Variants in GLIS3 observed in about 807,000 individuals in gnomAD.
GLIS3 encodes zinc finger protein GLIS3.
Under a neutral mutation model 78.6 loss-of-function variants are expected in GLIS3, and 53 were observed. The ratio of observed to expected loss-of-function variants is 0.67; its 90% CI spans 0.54 to 0.85. GLIS3 has a LOEUF of 0.85. GLIS3 is among the 40% of genes least tolerant of loss of function. GLIS3 has a pLI of 0.00. For synonymous variants in GLIS3, 684 were observed against 509.9 expected, an observed-to-expected ratio of 1.34 and a Z score of -4.60; for missense variants, 1,703 against 1,231.1, an observed-to-expected ratio of 1.38 and a Z score of -5.74.
chr9:4,419,433 C>T, the GLIS3 span, among the ~76,000 whole-genome samples: 4 of 152,082 alleles, frequency 2.6e-5, no homozygotes, highest in South Asian at 2.1e-4. Context: ...AAACCTACCA[C>T]GAAGGCGGAA....
intron 2 of GLIS3, among the ~76,000 whole-genome samples, chr9:4,323,191 T>A (rs926606968): frequency 1.3e-5 from 2 of 152,152 alleles, no homozygotes; most frequent in African/African-American, 4.8e-5. Context: ...CATTGCTTGT[T>A]TTTCTCAGGT....
intron 2 of GLIS3, among the ~76,000 whole-genome samples, chr9:4,262,082 A>T (rs1825584254): frequency 6.6e-6 from 1 of 152,166 alleles, no homozygotes; most frequent in African/African-American, 2.4e-5. Flanking sequence ...GACCCGGTCT[A>T]GTCCAAACAG....
the GLIS3 span, among the ~76,000 whole-genome samples, chr9:4,366,179 T>C: frequency 6.6e-6 from 1 of 152,176 alleles, no homozygotes; most frequent in Non-Finnish European, 1.5e-5. Context: ...CTTAATTTGG[T>C]CTATCCTATC....
intron 4 of GLIS3, among the ~76,000 whole-genome samples, chr9:4,015,006 T>C (rs749994837): frequency 5.9e-5 from 9 of 152,346 alleles, no homozygotes; most frequent in East Asian, 1.9e-4. Context: ...TCTAAAAGAA[T>C]TGATAGATAA....
intron 2 of GLIS3, among the ~76,000 whole-genome samples, chr9:4,131,568 T>C (rs1189179101): frequency 7.7e-6 from 1 of 130,598 alleles, no homozygotes; most frequent in Non-Finnish European, 1.6e-5. Flanking sequence ...CCCATGGCTC[T>C]CCCTTCCTCC....
At chr9:3,852,756 A>T (rs75396878) in intron 9 of GLIS3, among the ~76,000 whole-genome samples, 11 of 54,796 alleles carry the variant, frequency 2.0e-4, no homozygotes, top group Middle Eastern at 0.011. Context: ...TGGCTAATAC[A>T]GGGGCACGCC....
intron 2 of GLIS3, among the ~76,000 whole-genome samples, chr9:4,198,272 G>C (rs1819048876): frequency 1.3e-5 from 2 of 152,016 alleles, no homozygotes; most frequent in South Asian, 4.2e-4. Flanking sequence ...AGGCAATCCA[G>C]GAAATGAAAG....
the GLIS3 span, among the ~76,000 whole-genome samples, chr9:4,411,690 T>G: frequency 6.6e-6 from 1 of 152,180 alleles, no homozygotes; most frequent in African/African-American, 2.4e-5. Flanking sequence ...ACTTCTCTTC[T>G]GCAACAACAG....
rs367574229 is a variant in GLIS3 at position 4,251,024 on chromosome 9, A to G, written c.388+35014T>C. 1.8e-4 allele frequency among the ~76,000 whole-genome samples: 27 copies of G among 152,292 alleles called. No homozygotes were observed. In the East Asian group the frequency reaches 2.5e-3, roughly 14 times the overall value. ...ATTTGCTGAGGAGTGTTTTACTTCC[A>G]ACTATGTGGTCAATTTTAGAATAAA... On this transcript the variant is annotated intron_variant, in intron 2 of 10. Transcript: ENST00000381971.
At chr9:4,081,280 A>G (rs1828535089) in intron 4 of GLIS3, 1 of 152,298 alleles carries the variant, frequency 6.6e-6, no homozygotes, top group South Asian at 2.1e-4. Context: ...AGGCCTCTGC[A>G]GTCCTTTGTC....
chr9:4,122,284 T>C (rs1404704904), intron 3 of GLIS3, among the ~76,000 whole-genome samples: 1 of 152,170 alleles, frequency 6.6e-6, no homozygotes, highest in Non-Finnish European at 1.5e-5. Context: ...TCCCTATATA[T>C]GTAGATCATG....
chr9:4,286,190 A>G lies in GLIS3; in HGVS notation c.236T>C (p.Ile79Thr), dbSNP rs1408410399. 6.2e-7 allele frequency: 1 copy of G among 1,614,218 alleles called. No individual in the cohort carries two copies. Among genetic ancestry groups the G allele is most frequent in the Admixed American group, 1.7e-5 (1 of 60,026 alleles). Residue 79 changes from isoleucine to threonine, a missense_variant, in exon 2 of 11, where the codon ATC becomes ACC. Ile to Thr is a moderately conservative substitution (Grantham distance 89). Transcript: ENST00000381971. ...CCTGGGGCTTAAGGCAGGCAGATGG[A>G]TGCGGCTCTCAGCCACGTTGTTCTG... ...APQNNVAESR[I>T]HLPALSPRRQ...
the GLIS3 span, among the ~76,000 whole-genome samples, chr9:4,450,044 T>C: frequency 6.6e-6 from 1 of 152,100 alleles, no homozygotes; most frequent in East Asian, 1.9e-4. Flanking sequence ...AATAACAAAC[T>C]TCTCCAAGCT....
chr9:4,417,924 G>T, the GLIS3 span, among the ~76,000 whole-genome samples: 1 of 152,048 alleles, frequency 6.6e-6, no homozygotes, highest in African/African-American at 2.4e-5. Flanking sequence ...ATAGGTTTAG[G>T]GGTTGGGGAA....
chr9:3,942,474 T>G (rs1815998187), intron 4 of GLIS3, among the ~76,000 whole-genome samples: 1 of 152,206 alleles, frequency 6.6e-6, no homozygotes, highest in Admixed American at 6.5e-5. Context: ...TCAAAGTGAC[T>G]TCCACAATAA....
chr9:4,339,719 G>C (rs539291860), intron 2 of GLIS3, among the ~76,000 whole-genome samples: 1 of 117,558 alleles, frequency 8.5e-6, no homozygotes, highest in African/African-American at 3.4e-5. Context: ...GCAATGATGG[G>C]ATTTGGGAAG....
the GLIS3 span, among the ~76,000 whole-genome samples, chr9:4,402,134 TCCCAGTGGTGGTGGCCA>T: frequency 6.6e-6 from 1 of 152,112 alleles, no homozygotes; most frequent in Non-Finnish European, 1.5e-5. Flanking sequence ...CCCACCACAG[TCCCAGTGGTGGTGGCCA>T]CAGGGGTGTT....
intron 1 of GLIS3, among the ~76,000 whole-genome samples, chr9:4,298,102 T>TGCAACTCGCTCCTGAGTGAGTCGG (rs2130458098): frequency 6.6e-6 from 1 of 152,190 alleles, no homozygotes; most frequent in East Asian, 1.9e-4. Context: ...CTTCCTGTTG[T>TGCAACTCGCTCCTGAGTGAGTCGG]GCAACTCGCT....
intron 2 of GLIS3, among the ~76,000 whole-genome samples, chr9:4,211,863 A>G (rs1375316343): frequency 1.3e-5 from 2 of 152,266 alleles, no homozygotes; most frequent in Admixed American, 6.5e-5. Flanking sequence ...ATACTGATAC[A>G]TGCTACAGCA....
Sources: gnomAD v4.1 joint callset for allele counts (sites outside exome capture counted in the v4.1 genomes callset) on GRCh38, gnomAD v4.1.1 for gene constraint, MANE v1.5 for transcripts, NCBI Gene and HGNC (gene_info 2026-07-23, HGNC 2026-07-21) for gene names.